The following PDZRN3 variants were observed in gnomAD, a reference collection of about 807,000 sequenced individuals.
The protein encoded by PDZRN3 is PDZ domain containing ring finger 3, also known as E3 ubiquitin-protein ligase PDZRN3.
In PDZRN3, 38 loss-of-function variants were observed where a neutral mutation model predicts 85.7. That is an observed-to-expected ratio of 0.44 (90% CI 0.34 to 0.58). The LOEUF (loss-of-function observed/expected upper bound fraction) is 0.58, where lower values mean the gene tolerates loss of function less well. Among genes scored for constraint, PDZRN3 ranks in the 20% least tolerant of loss-of-function variants. PDZRN3 has a pLI of 0.01. For synonymous variants in PDZRN3, 759 were observed against 638.0 expected, an observed-to-expected ratio of 1.19 and a Z score of -2.86; for missense variants, 1,629 against 1,506.4, an observed-to-expected ratio of 1.08 and a Z score of -1.35.
chr3:73,505,122 G>A (rs1430130407), intron 3 of PDZRN3, among the ~76,000 whole-genome samples: 1 of 152,204 alleles, frequency 6.6e-6, no homozygotes, highest in Admixed American at 6.5e-5. Context: ...TGGAATTTGA[G>A]AGTATGAGAT....
At position 73,528,817 on chromosome 3, in the gene PDZRN3, G is replaced by T. The variant is rs576276017; in HGVS notation, c.918+73537C>A. Among the ~76,000 whole-genome samples, 39 of 151,920 alleles carry T rather than the reference G, an allele frequency of 2.6e-4. No individual in the cohort carries two copies. The East Asian group carries it at 6.2e-3, about 24-fold the overall frequency. ...TGAGGTCTGTGCATCAATGCTTTTTGGAGTGGAGGAAGAAGGGGAATGGCA... is the reference window on the plus strand; with the variant it reads ...TGAGGTCTGTGCATCAATGCTTTTTTGAGTGGAGGAAGAAGGGGAATGGCA... On this transcript the variant is annotated intron_variant, in intron 3 of 9. Coordinates refer to ENST00000263666, the MANE Select transcript of PDZRN3 (RefSeq NM_015009.3).
chr3:73,622,734 C>CCCTG (rs1304417345), intron 1 of PDZRN3, among the ~76,000 whole-genome samples: 3 of 152,186 alleles, frequency 2.0e-5, no homozygotes, highest in Non-Finnish European at 4.4e-5. Context: ...CGGCTCTGCT[C>CCCTG]CCTGAGTCAC....
chr3:73,599,641 C>T (rs1186508274), intron 3 of PDZRN3, among the ~76,000 whole-genome samples: 1 of 152,242 alleles, frequency 6.6e-6, no homozygotes, highest in Non-Finnish European at 1.5e-5. Flanking sequence ...ACGGACATTT[C>T]AAGAAATGCA....
At chr3:73,509,590 A>G (rs565746475) in intron 3 of PDZRN3, among the ~76,000 whole-genome samples, 1 of 152,318 alleles carries the variant, frequency 6.6e-6, no homozygotes, top group South Asian at 2.1e-4. Flanking sequence ...CTAGGCTTTC[A>G]GTCTTGGAGG....
chr3:73,447,557 C>T (rs745690259), intron 3 of PDZRN3, among the ~76,000 whole-genome samples: 5 of 152,208 alleles, frequency 3.3e-5, no homozygotes, highest in African/African-American at 4.8e-5. Flanking sequence ...CGAACACACA[C>T]TACTATAGCT....
At chr3:73,523,405 A>C (rs1188148438) in intron 3 of PDZRN3, among the ~76,000 whole-genome samples, 1 of 152,226 alleles carries the variant, frequency 6.6e-6, no homozygotes, top group Non-Finnish European at 1.5e-5. Context: ...AAGAAACTTT[A>C]GAACAAATTA....
At chr3:73,572,602 C>T (rs1017071652) in intron 3 of PDZRN3, among the ~76,000 whole-genome samples, 3 of 152,168 alleles carry the variant, frequency 2.0e-5, no homozygotes, top group Admixed American at 6.5e-5. Context: ...AATTCAACCA[C>T]AGTTGGTTGC....
intron 3 of PDZRN3, among the ~76,000 whole-genome samples, chr3:73,543,734 A>G (rs980313960): frequency 6.6e-6 from 1 of 152,232 alleles, no homozygotes; most frequent in Non-Finnish European, 1.5e-5. Context: ...CAGCAAAGTC[A>G]ATCCTTGGGG....
chr3:73,579,421 T>C (rs1382951116), intron 3 of PDZRN3, among the ~76,000 whole-genome samples: 1 of 152,242 alleles, frequency 6.6e-6, no homozygotes, highest in East Asian at 1.9e-4. Flanking sequence ...TACTGCTAGA[T>C]AATCATAAAG....
intron 3 of PDZRN3, among the ~76,000 whole-genome samples, chr3:73,524,501 T>C (rs1046078185): frequency 2.6e-5 from 4 of 152,206 alleles, no homozygotes; most frequent in Non-Finnish European, 5.9e-5. Flanking sequence ...GTGGGCCACT[T>C]ATCACAGGCT....
chr3:73,401,077 T>C, intron 4 of PDZRN3, 68 bp from the exon 5 acceptor site: 1 of 1,177,034 alleles, frequency 8.5e-7, no homozygotes, highest in South Asian at 1.2e-5. Flanking sequence ...TTACACCCAT[T>C]GTCAGGCCAG....
chr3:73,523,102 A>C (rs1189482202), intron 3 of PDZRN3, among the ~76,000 whole-genome samples: 2 of 152,168 alleles, frequency 1.3e-5, no homozygotes, highest in African/African-American at 4.8e-5. Context: ...GGCTCACTGC[A>C]ACCTCCACCT....
chr3:73,520,560 T>A (rs549112943), intron 3 of PDZRN3, among the ~76,000 whole-genome samples: 1 of 152,096 alleles, frequency 6.6e-6, no homozygotes, highest in South Asian at 2.1e-4. Flanking sequence ...TTGAATAGAA[T>A]CCAAGTTGTC....
At chr3:73,497,221 A>G (rs1343277883) in intron 3 of PDZRN3, among the ~76,000 whole-genome samples, 1 of 151,842 alleles carries the variant, frequency 6.6e-6, no homozygotes, top group Non-Finnish European at 1.5e-5. Context: ...TCAGAACAGA[A>G]AAAAAAATGT....
intron 3 of PDZRN3, among the ~76,000 whole-genome samples, chr3:73,576,772 A>T (rs1327929411): frequency 1.2e-4 from 19 of 152,216 alleles, no homozygotes; most frequent in Admixed American, 1.2e-3. Context: ...GACTTTACAG[A>T]ACTGTCATCT....
chr3:73,624,108 C>T lies in PDZRN3; in HGVS notation c.718G>A (p.Gly240Ser), dbSNP rs1229374023. 2 of 1,456,720 alleles carry T rather than the reference C, an allele frequency of 1.4e-6. No homozygotes were observed. Among genetic ancestry groups the T allele is most frequent in the Admixed American group, 2.7e-5 (1 of 37,544 alleles). 90.2% of individuals were successfully genotyped at this position (1,456,720 alleles called of 1,614,324 possible). The change falls in exon 1 of 10, where the codon GGC (glycine) becomes AGC (serine). Residue 240 changes from glycine to serine, a missense_variant. Gly to Ser is a moderately conservative substitution (Grantham distance 56). Transcript: ENST00000263666. ...GGCGGGCAGCAGGCGCCTACCTTGC[C>T]GCCGGGCGGCGCGGCCACGCAGCGG... ...LSRCVAAPPG[G>S]KGEETKSLTL...
chr3:73,415,321 A>G (rs942373361), intron 3 of PDZRN3, among the ~76,000 whole-genome samples: 5 of 152,314 alleles, frequency 3.3e-5, no homozygotes, highest in East Asian at 1.9e-4. Context: ...AACCTGGTAC[A>G]ACTGATGGGC....
At chr3:73,396,811 TTTTC>T (rs1701647087) in intron 5 of PDZRN3, among the ~76,000 whole-genome samples, 1 of 152,138 alleles carries the variant, frequency 6.6e-6, no homozygotes, top group African/African-American at 2.4e-5. Flanking sequence ...TGGGCATGTA[TTTTC>T]TTTCTTAATT....
At chr3:73,444,030 A>G (rs778093718) in intron 3 of PDZRN3, among the ~76,000 whole-genome samples, 39 of 152,238 alleles carry the variant, frequency 2.6e-4, no homozygotes, top group Non-Finnish European at 4.0e-4. Context: ...TTTCAGCCTC[A>G]CTGTGACCTT....
Sources: gnomAD v4.1 joint callset for allele counts (sites outside exome capture counted in the v4.1 genomes callset) on GRCh38, gnomAD v4.1.1 for gene constraint, MANE v1.5 for transcripts, NCBI Gene and HGNC (gene_info 2026-07-23, HGNC 2026-07-21) for gene names.